The following XIRP2 variants were observed in gnomAD, a reference collection of about 807,000 sequenced individuals.
XIRP2 encodes the protein xin actin binding repeat containing 2, also known as xin actin-binding repeat-containing protein 2.
XIRP2 carries 236 observed loss-of-function variants against 277.0 expected under a neutral mutation model. The observed-to-expected ratio is 0.85, with a 90% CI of 0.77 to 0.95. The LOEUF is 0.95. Among genes scored for constraint, XIRP2 ranks in the 40% least tolerant of loss-of-function variants. The pLI is 0.00. For synonymous variants in XIRP2, 1,490 were observed against 1,416.5 expected (o/e 1.05, Z -1.17); for missense variants, 4,640 against 4,157.5 (o/e 1.12, Z -3.19).
intron 2 of XIRP2, among the ~76,000 whole-genome samples, chr2:166,969,520 G>A (rs1686518519): frequency 6.6e-6 from 1 of 151,504 alleles, no homozygotes; most frequent in African/African-American, 2.4e-5. Context: ...TCTGCAGTAT[G>A]AGTGAGAATA....
intron 4 of XIRP2, among the ~76,000 whole-genome samples, chr2:167,217,283 TAAA>T (rs201024264): frequency 7.3e-6 from 1 of 137,036 alleles, no homozygotes; most frequent in South Asian, 2.3e-4. Context: ...TAAAGTATAA[TAAA>T]AAAAAAAAAG....
At chr2:167,174,997 C>A (rs990712773) in intron 3 of XIRP2, among the ~76,000 whole-genome samples, 25 of 152,076 alleles carry the variant, frequency 1.6e-4, no homozygotes, top group Admixed American at 1.6e-3. Flanking sequence ...GAGTGTTTTA[C>A]TTCCCATTAT....
chr2:166,902,732 T>C (rs1159928092), intron 1 of XIRP2, among the ~76,000 whole-genome samples: 1 of 151,926 alleles, frequency 6.6e-6, no homozygotes, highest in African/African-American at 2.4e-5. Context: ...AATTGAAAAC[T>C]CAAAGTACAA....
At chr2:167,187,301 A>C (rs183454115) in intron 3 of XIRP2, 706 of 985,324 alleles carry the variant, frequency 7.2e-4, no homozygotes, top group Non-Finnish European at 8.2e-4. Context: ...CTCAGTTCCT[A>C]AAAATAGGTG....
chr2:167,188,348 A>G (rs933924684), intron 3 of XIRP2, among the ~76,000 whole-genome samples: 1 of 152,218 alleles, frequency 6.6e-6, no homozygotes, highest in African/African-American at 2.4e-5. Flanking sequence ...GACACCAACT[A>G]AAAGCAAGGA....
At position 167,259,153 on chromosome 2, in the gene XIRP2, A is replaced by G. The variant is rs1695765537; in HGVS notation, c.*1336A>G. On this transcript the variant is annotated 3_prime_UTR_variant, in exon 11 of 11. Transcript: ENST00000409195. Reference sequence around the variant, plus strand: ...CTGTAGATCAAATTAAAAATATGCCATGCTTGGATTTAAGGGAATTTGGAA... The same window carrying G: ...CTGTAGATCAAATTAAAAATATGCCGTGCTTGGATTTAAGGGAATTTGGAA... 5.6e-6 allele frequency: 9 copies of G among 1,612,994 alleles called. No individual in the cohort carries two copies. Among genetic ancestry groups the G allele is most frequent in the Non-Finnish European group, 7.6e-6 (9 of 1,179,500 alleles).
intron 2 of XIRP2, among the ~76,000 whole-genome samples, chr2:167,001,417 C>T (rs1258207437): frequency 2.0e-5 from 3 of 152,090 alleles, no homozygotes; most frequent in African/African-American, 4.8e-5. Flanking sequence ...ACTTGTTTCA[C>T]CTCAAATGAT....
At position 167,245,384 on chromosome 2, in the gene XIRP2, A is replaced by G. The variant is rs781588400; in HGVS notation, c.3992A>G (p.Tyr1331Cys). ...GCAATTCAAGACCGAGAAGGGTCCTATCATGAAGTGACCACAGTTAAAAAA... is the reference window on the plus strand; with the variant it reads ...GCAATTCAAGACCGAGAAGGGTCCTGTCATGAAGTGACCACAGTTAAAAAA... ...LYAIQDREGS[Y>C]HEVTTVKKEE... Residue 1331 changes from tyrosine to cysteine, a missense_variant, in exon 9 of 11, where the codon TAT becomes TGT. Tyr to Cys is a radical substitution (Grantham distance 194, BLOSUM62 -2). Transcript: ENST00000409195. 1 of 1,613,754 alleles carries G rather than the reference A, an allele frequency of 6.2e-7. No individual in the cohort carries two copies. The highest frequency in any genetic ancestry group is 1.1e-5 in the South Asian group (1 of 91,074).
chr2:166,981,240 G>C (rs966187240), intron 2 of XIRP2, among the ~76,000 whole-genome samples: 2 of 152,056 alleles, frequency 1.3e-5, no homozygotes, highest in Non-Finnish European at 2.9e-5. Flanking sequence ...GGTGTTATCA[G>C]GGCTATGCTC....
intron 3 of XIRP2, among the ~76,000 whole-genome samples, chr2:167,178,036 CAA>C (rs1210624612): frequency 2.1e-4 from 24 of 111,764 alleles, no homozygotes; most frequent in African/African-American, 4.7e-4. Context: ...TCAGTAAAAA[CAA>C]AAAAAAAAAA....
intron 2 of XIRP2, among the ~76,000 whole-genome samples, chr2:166,926,944 A>C (rs1395980879): frequency 6.6e-6 from 1 of 152,114 alleles, no homozygotes; most frequent in Non-Finnish European, 1.5e-5. Context: ...TTAAATAGTC[A>C]ACTCTCAGTT....
In XIRP2 at chr2:166,937,138, G is replaced by T. The variant is rs1006654898; in HGVS notation, c.408+33248G>T. Among the ~76,000 whole-genome samples, 4 of 152,322 alleles carry T rather than the reference G, an allele frequency of 2.6e-5. No homozygotes were observed. The East Asian group carries it at 7.7e-4, about 29-fold the overall frequency. ...GAACTTCCAACTATGCTGAATAGGA[G>T]TGGTGAGAGAGGGCATCCCTATCCT... On this transcript the variant is annotated intron_variant, in intron 2 of 10. Transcript: ENST00000409195.
At chr2:166,984,558 G>C (rs1686953191) in intron 2 of XIRP2, among the ~76,000 whole-genome samples, 1 of 152,098 alleles carries the variant, frequency 6.6e-6, no homozygotes, top group Admixed American at 6.5e-5. Context: ...GCAGGAAAAA[G>C]TATATTTTTA....
intron 2 of XIRP2, among the ~76,000 whole-genome samples, chr2:166,939,816 G>T (rs527575376): frequency 6.6e-6 from 1 of 151,704 alleles, no homozygotes; most frequent in South Asian, 2.1e-4. Context: ...TGAGACATCT[G>T]CTGTTAGTCT....
chr2:166,924,480 A>T (rs1294345805), intron 2 of XIRP2, among the ~76,000 whole-genome samples: 1 of 151,624 alleles, frequency 6.6e-6, no homozygotes, highest in Non-Finnish European at 1.5e-5. Context: ...ATAACTGCTA[A>T]TTTTTTTTGA....
chr2:167,027,928 A>G (rs1688219852), intron 2 of XIRP2, among the ~76,000 whole-genome samples: 2 of 152,104 alleles, frequency 1.3e-5, no homozygotes, highest in Non-Finnish European at 2.9e-5. Context: ...AATATTTTAA[A>G]GAAAATAGTC....
intron 2 of XIRP2, 116 bp downstream of exon 2, chr2:166,904,006 A>T: frequency 8.1e-7 from 1 of 1,227,950 alleles, no homozygotes; most frequent in South Asian, 1.5e-5. Context: ...GATGTCCTGA[A>T]GCCGATGTGT....
chr2:166,900,530 T>C (rs756749211), intron 1 of XIRP2, among the ~76,000 whole-genome samples: 2 of 152,094 alleles, frequency 1.3e-5, no homozygotes. Context: ...TGGCTCTTAA[T>C]ATGAATGATT....
chr2:167,025,433 GT>G (rs1157299511), intron 2 of XIRP2, among the ~76,000 whole-genome samples: 3 of 152,020 alleles, frequency 2.0e-5, no homozygotes, highest in Admixed American at 2.0e-4. Flanking sequence ...TTTTTGAAGG[GT>G]TTTTTGTGTC....
Sources: allele counts gnomAD v4.1 joint callset (sites outside exome capture counted in the v4.1 genomes callset), GRCh38; gene constraint gnomAD v4.1.1; transcripts MANE v1.5; gene names NCBI Gene and HGNC (gene_info 2026-07-23, HGNC 2026-07-21).